Variants in TMEM132D observed in about 807,000 individuals in gnomAD.
TMEM132D encodes transmembrane protein 132D.
A neutral mutation model predicts 62.3 loss-of-function variants in TMEM132D; 21 were observed. The observed-to-expected ratio is 0.34, with a 90% CI of 0.24 to 0.49. TMEM132D has a LOEUF of 0.49. Among genes scored for constraint, TMEM132D ranks in the 20% least tolerant of loss-of-function variants. TMEM132D has a pLI of 0.99. For missense variants in TMEM132D, 1,346 were observed against 1,402.8 expected (o/e 0.96, Z 0.65); for synonymous variants, 621 against 575.6 (o/e 1.08, Z -1.13).
intron 1 of TMEM132D, among the ~76,000 whole-genome samples, chr12:129,895,965 T>C (rs1240250458): frequency 9.2e-5 from 13 of 141,522 alleles, no homozygotes; most frequent in African/African-American, 2.4e-4. Context: ...CTGTCTCTCT[T>C]TTTTTTTTTT....
chr12:129,844,314 A>G (rs1172721517), intron 1 of TMEM132D, among the ~76,000 whole-genome samples: 1 of 152,142 alleles, frequency 6.6e-6, no homozygotes, highest in Non-Finnish European at 1.5e-5. Context: ...CTTGCATGAG[A>G]AGCATATAAT....
chr12:129,278,500 T>G (rs1881057189), intron 4 of TMEM132D, among the ~76,000 whole-genome samples: 1 of 152,070 alleles, frequency 6.6e-6, no homozygotes, highest in South Asian at 2.1e-4. Flanking sequence ...ACCCCCGTCT[T>G]GCATCCGGGT....
At chr12:129,488,224 CACAA>C (rs934511591) in intron 3 of TMEM132D, among the ~76,000 whole-genome samples, 3 of 152,174 alleles carry the variant, frequency 2.0e-5, no homozygotes, top group Non-Finnish European at 4.4e-5. Context: ...GTTACAGCAA[CACAA>C]ACAAGCTGCG....
At position 129,198,258 on chromosome 12, in the gene TMEM132D, G is replaced by T. The variant is rs1340390647; in HGVS notation, c.1443+11262C>A. 2.0e-5 allele frequency among the ~76,000 whole-genome samples: 3 copies of T among 152,134 alleles called. No homozygotes were observed. The South Asian group carries it at 6.2e-4, about 32-fold the overall frequency. The stretch of plus-strand genomic sequence containing the variant: ...AGTCATTATGGAGAACCATACGGAG[G>T]TTACTCGAAAAACTAAAATAGAATT... On this transcript the variant is annotated intron_variant, in intron 5 of 8. Transcript: ENST00000422113.
chr12:129,636,941 AATT>A (rs1284668676), intron 2 of TMEM132D, among the ~76,000 whole-genome samples: 1 of 152,096 alleles, frequency 6.6e-6, no homozygotes, highest in Non-Finnish European at 1.5e-5. Flanking sequence ...CATAATAAAG[AATT>A]ATGTTATGTA....
chr12:129,554,420 C>T (rs989026060), intron 2 of TMEM132D, among the ~76,000 whole-genome samples: 6 of 151,888 alleles, frequency 4.0e-5, no homozygotes, highest in East Asian at 1.9e-4. Flanking sequence ...GAAAGGTGGT[C>T]GAGAGAGAGA....
At chr12:129,843,965 G>T (rs1873280777) in intron 1 of TMEM132D, among the ~76,000 whole-genome samples, 1 of 152,060 alleles carries the variant, frequency 6.6e-6, no homozygotes, top group Non-Finnish European at 1.5e-5. Context: ...GTTGGGTGTG[G>T]TGGTGTGTGC....
chr12:129,075,111 C>A (rs1874210051), intron 8 of TMEM132D, 52 bp from the exon 9 acceptor site: 1 of 1,494,924 alleles, frequency 6.7e-7, no homozygotes, highest in East Asian at 2.3e-5. Flanking sequence ...GCTCATTGAG[C>A]CCCAAGTCTT....
In TMEM132D at chr12:129,841,519, C is replaced by T. The variant is rs371763313; in HGVS notation, c.79+61742G>A. The stretch of plus-strand genomic sequence containing the variant: ...TCTGCCAAGAGCGTGTTAATTTTAG[C>T]TTCTGTATTTCCTTCTTCCCTCTGT... On this transcript the variant is annotated intron_variant, in intron 1 of 8. Transcript: ENST00000422113. Among the ~76,000 whole-genome samples the T allele has an allele frequency of 2.6e-4, 39 of 152,276 alleles. No homozygotes were observed. The South Asian group carries it at 7.7e-3, about 30-fold the overall frequency.
intron 5 of TMEM132D, among the ~76,000 whole-genome samples, chr12:129,156,722 C>T (rs1877258146): frequency 6.6e-6 from 1 of 151,186 alleles, no homozygotes; most frequent in Non-Finnish European, 1.5e-5. Flanking sequence ...CTGTGATAAC[C>T]CACTCCCTCA....
At chr12:129,703,576 T>C (rs1474105004) in intron 1 of TMEM132D, among the ~76,000 whole-genome samples, 1 of 152,104 alleles carries the variant, frequency 6.6e-6, no homozygotes, top group Non-Finnish European at 1.5e-5. Flanking sequence ...ATGGTTACTG[T>C]CACTAAAGGA....
At chr12:129,202,021 A>T (rs1191045559) in intron 5 of TMEM132D, among the ~76,000 whole-genome samples, 1 of 151,458 alleles carries the variant, frequency 6.6e-6, no homozygotes, top group East Asian at 1.9e-4. Flanking sequence ...TGAAAAAAAA[A>T]ATAAAACAAA....
intron 1 of TMEM132D, among the ~76,000 whole-genome samples, chr12:129,839,372 T>C (rs1415260808): frequency 6.6e-6 from 1 of 151,782 alleles, no homozygotes; most frequent in African/African-American, 2.4e-5. Flanking sequence ...GTGATCCGCC[T>C]GCCTCGGCCT....
chr12:129,229,222 C>G (rs1879569558), intron 4 of TMEM132D, among the ~76,000 whole-genome samples: 1 of 152,210 alleles, frequency 6.6e-6, no homozygotes, highest in South Asian at 2.1e-4. Context: ...ACAAGCTACT[C>G]TTTGTATCAG....
At chr12:129,722,334 C>A (rs544987849) in intron 1 of TMEM132D, among the ~76,000 whole-genome samples, 1 of 69,948 alleles carries the variant, frequency 1.4e-5, no homozygotes, top group Non-Finnish European at 3.7e-5. Context: ...TGCCGACTGC[C>A]TGTCACTCTT....
intron 5 of TMEM132D, among the ~76,000 whole-genome samples, chr12:129,206,816 G>A (rs1335027286): frequency 1.3e-5 from 2 of 152,166 alleles, no homozygotes; most frequent in South Asian, 4.1e-4. Context: ...CATGGATGGA[G>A]CTAGAGGCCA....
At chr12:129,148,999 T>A (rs540234976) in intron 5 of TMEM132D, among the ~76,000 whole-genome samples, 75 of 152,278 alleles carry the variant, frequency 4.9e-4, no homozygotes, top group Non-Finnish European at 7.8e-4. Context: ...GACTTTTTTT[T>A]AATGAAAAAT....
chr12:129,778,291 G>A (rs1222180912), intron 1 of TMEM132D, among the ~76,000 whole-genome samples: 2 of 151,800 alleles, frequency 1.3e-5, no homozygotes, highest in Non-Finnish European at 2.9e-5. Context: ...TACTGTGCCA[G>A]CCCGACTCTC....
intron 2 of TMEM132D, among the ~76,000 whole-genome samples, chr12:129,584,339 T>C (rs1263622004): frequency 6.6e-6 from 1 of 152,240 alleles, no homozygotes; most frequent in East Asian, 1.9e-4. Context: ...ACCCTAGTGA[T>C]TGATACAGAT....
Sources: allele counts gnomAD v4.1 joint callset (sites outside exome capture counted in the v4.1 genomes callset), GRCh38; gene constraint gnomAD v4.1.1; transcripts MANE v1.5; gene names NCBI Gene and HGNC (gene_info 2026-07-23, HGNC 2026-07-21).